CSMD1: variants seen among roughly 807,000 people sequenced by gnomAD.
CSMD1 encodes the protein CUB and Sushi multiple domains 1, also known as CUB and sushi domain-containing protein 1.
Under a neutral mutation model 417.5 loss-of-function variants are expected in CSMD1, and 213 were observed. That is an observed-to-expected ratio of 0.51 (90% CI 0.46 to 0.57). The LOEUF is 0.57. Ranked by LOEUF, CSMD1 falls within the 20% of genes least tolerant of loss-of-function variation. CSMD1 has a pLI of 0.00. For synonymous variants in CSMD1, 2,862 were observed against 1,736.8 expected (o/e 1.65, Z -16.11); for missense variants, 6,923 against 4,529.7 (o/e 1.53, Z -15.17).
chr8:3,455,897 C>A (rs1184349437), intron 12 of CSMD1, among the ~76,000 whole-genome samples: 5 of 152,212 alleles, frequency 3.3e-5, no homozygotes, highest in Non-Finnish European at 7.3e-5. Context: ...TGGCTATGCC[C>A]TGCCCCCAGA....
At chr8:3,409,115 C>T (rs1342085036) in intron 13 of CSMD1, among the ~76,000 whole-genome samples, 1 of 152,180 alleles carries the variant, frequency 6.6e-6, no homozygotes, top group Non-Finnish European at 1.5e-5. Context: ...GTACTGATGT[C>T]TGATACAGCA....
At chr8:3,424,424 A>G (rs1813692514) in intron 12 of CSMD1, among the ~76,000 whole-genome samples, 1 of 152,196 alleles carries the variant, frequency 6.6e-6, no homozygotes, top group African/African-American at 2.4e-5. Flanking sequence ...AACATACCAC[A>G]AGGTAGCACG....
intron 5 of CSMD1, among the ~76,000 whole-genome samples, chr8:3,828,027 G>A (rs1044609656): frequency 1.3e-5 from 2 of 152,226 alleles, no homozygotes; most frequent in Admixed American, 6.5e-5. Context: ...CAATTATATG[G>A]ATTTGTGTGT....
chr8:4,129,433 G>C (rs1802962921), intron 3 of CSMD1, among the ~76,000 whole-genome samples: 1 of 152,146 alleles, frequency 6.6e-6, no homozygotes. Context: ...CTTTTAGGTA[G>C]ATGTACTGAG....
Position 3,057,353 on chromosome 8 carries a change from A to G in CSMD1, c.7475-4706T>C, listed in dbSNP as rs529278154. On this transcript the variant is annotated intron_variant, in intron 49 of 69. Transcript: ENST00000635120. ...ATTATGTTTGTATATATTTAGTAAG[A>G]TTATAATCAAATAATTAAATTCAAA... Among the ~76,000 whole-genome samples the G allele has an allele frequency of 2.0e-5, 3 of 152,314 alleles. No individual in the cohort carries two copies. The South Asian group carries it at 6.2e-4, about 32-fold the overall frequency.
At chr8:3,015,329 G>A (rs1808744162) in intron 52 of CSMD1, among the ~76,000 whole-genome samples, 1 of 152,092 alleles carries the variant, frequency 6.6e-6, no homozygotes, top group Non-Finnish European at 1.5e-5. Context: ...ATTTCTTGCA[G>A]AAAATCTGGT....
rs571270141 is a variant in CSMD1, at chr8:3,879,508, G to A, written c.818+118395C>T. Among the ~76,000 whole-genome samples, 11 of 152,290 alleles carry A rather than the reference G, an allele frequency of 7.2e-5. No homozygotes were observed. The South Asian group carries it at 8.3e-4, about 11-fold the overall frequency. On this transcript the variant is annotated intron_variant, in intron 5 of 69. Transcript: ENST00000635120. ...TGGGACAGAGACCAAGTTACCGTGA[G>A]AGCAAGGAAGATGTAGCTCCTCCCC...
chr8:4,816,236 G>C (rs560179268), intron 1 of CSMD1, among the ~76,000 whole-genome samples: 1 of 152,150 alleles, frequency 6.6e-6, no homozygotes, highest in African/African-American at 2.4e-5. Flanking sequence ...CCAGTTTGGA[G>C]TGCAGTAGTG....
chr8:4,321,543 G>T (rs1040432918), intron 3 of CSMD1, among the ~76,000 whole-genome samples: 1 of 152,072 alleles, frequency 6.6e-6, no homozygotes. Flanking sequence ...TGAGTATCTG[G>T]TATATCACAG....
intron 5 of CSMD1, among the ~76,000 whole-genome samples, chr8:3,778,995 G>C (rs529046971): frequency 6.6e-6 from 1 of 152,050 alleles, no homozygotes; most frequent in Non-Finnish European, 1.5e-5. Flanking sequence ...ACTTTTTCTA[G>C]GCTCAGATCA....
intron 3 of CSMD1, among the ~76,000 whole-genome samples, chr8:4,088,703 C>T (rs886656709): frequency 3.9e-5 from 6 of 152,068 alleles, no homozygotes; most frequent in Admixed American, 6.6e-5. Context: ...GCAATCAGCT[C>T]CCCGACCCCA....
At chr8:4,914,207 G>T (rs1250176011) in intron 1 of CSMD1, among the ~76,000 whole-genome samples, 1 of 152,140 alleles carries the variant, frequency 6.6e-6, no homozygotes, top group Non-Finnish European at 1.5e-5. Context: ...TATTACAGGT[G>T]CAATCATTTC....
chr8:3,816,868 G>T (rs569323136), intron 5 of CSMD1, among the ~76,000 whole-genome samples: 1 of 152,092 alleles, frequency 6.6e-6, no homozygotes, highest in African/African-American at 2.4e-5. Flanking sequence ...TCAGGGGTAA[G>T]GGGGCACTAT....
chr8:4,650,646 G>A (rs1803837047), intron 1 of CSMD1, among the ~76,000 whole-genome samples: 1 of 142,174 alleles, frequency 7.0e-6, no homozygotes, highest in African/African-American at 2.7e-5. Flanking sequence ...TCGAGTCTGT[G>A]GCCTTGAGTT....
chr8:4,037,023 C>G (rs574579500), intron 3 of CSMD1, among the ~76,000 whole-genome samples: 2 of 151,148 alleles, frequency 1.3e-5, no homozygotes, highest in South Asian at 2.1e-4. Context: ...TGTGTCCTGT[C>G]CAGGGCTGGT....
At chr8:3,178,714 G>A (rs187883210) in intron 37 of CSMD1, among the ~76,000 whole-genome samples, 244 of 152,162 alleles carry the variant, frequency 1.6e-3, no homozygotes, top group South Asian at 6.4e-3. Flanking sequence ...GCAAGACCTG[G>A]CATAGAGTAA....
chr8:3,769,732 T>C (rs1798470433), intron 5 of CSMD1, among the ~76,000 whole-genome samples: 1 of 152,178 alleles, frequency 6.6e-6, no homozygotes, highest in Non-Finnish European at 1.5e-5. Context: ...CCATTACTTA[T>C]TTAACCAATG....
intron 1 of CSMD1, among the ~76,000 whole-genome samples, chr8:4,850,489 T>C (rs1247472836): frequency 6.7e-6 from 1 of 149,040 alleles, no homozygotes; most frequent in African/African-American, 2.5e-5. Flanking sequence ...CACATGACAA[T>C]TGCAAACATT....
chr8:4,280,476 G>C (rs938124177), intron 3 of CSMD1, among the ~76,000 whole-genome samples: 2 of 152,170 alleles, frequency 1.3e-5, no homozygotes, highest in Non-Finnish European at 1.5e-5. Flanking sequence ...CACTGTTTCA[G>C]TATATCCTCC....
Sources: gnomAD v4.1 joint callset for allele counts (sites outside exome capture counted in the v4.1 genomes callset) on GRCh38, gnomAD v4.1.1 for gene constraint, MANE v1.5 for transcripts, NCBI Gene and HGNC (gene_info 2026-07-23, HGNC 2026-07-21) for gene names.